PDZD2: variants seen among roughly 807,000 people sequenced by gnomAD.
The protein encoded by PDZD2 is PDZ domain containing 2.
PDZD2 carries 90 observed loss-of-function variants against 220.7 expected under a neutral mutation model. That is an observed-to-expected ratio of 0.41 (90% confidence interval 0.34 to 0.49). PDZD2 has a LOEUF of 0.49. PDZD2 is among the 20% of genes least tolerant of loss of function. PDZD2 has a pLI of 0.28. For synonymous variants in PDZD2, 1,375 were observed against 1,450.5 expected (o/e 0.95, Z 1.18); for missense variants, 3,174 against 3,608.5 (o/e 0.88, Z 3.08).
intron 2 of PDZD2, among the ~76,000 whole-genome samples, chr5:31,822,365 T>G (rs10080056): frequency 0.57 from 84,593 of 149,206 alleles, 24,373 homozygotes; most frequent in Non-Finnish European, 0.61. Context: ...CAACGTCTTG[T>G]GCTCAAGTGA....
intron 1 of PDZD2, chr5:31,657,093 C>T (rs946539452): frequency 1.3e-5 from 2 of 152,156 alleles, no homozygotes; most frequent in Non-Finnish European, 2.9e-5. Flanking sequence ...TGTCATAAAC[C>T]GATCTCCATC....
chr5:31,803,727 A>AAGC (rs1178774655), intron 2 of PDZD2, among the ~76,000 whole-genome samples: 7 of 152,066 alleles, frequency 4.6e-5, no homozygotes, highest in Non-Finnish European at 8.8e-5. Context: ...CAAGACTCCA[A>AAGC]ATCTCAGAGC....
At chr5:31,932,122 A>G (rs567074107) in intron 2 of PDZD2, among the ~76,000 whole-genome samples, 1 of 152,312 alleles carries the variant, frequency 6.6e-6, no homozygotes, top group East Asian at 1.9e-4. Context: ...GGGGATGGGA[A>G]AAGGGGAGAA....
At chr5:31,924,177 G>A (rs62363763) in intron 2 of PDZD2, among the ~76,000 whole-genome samples, 10,196 of 152,214 alleles carry the variant, frequency 0.067, 358 homozygotes, top group Non-Finnish European at 0.075. Context: ...CCTTTGGTCT[G>A]CTGGTCCAGT....
chr5:31,787,927 G>A (rs765419812), intron 1 of PDZD2, among the ~76,000 whole-genome samples: 19 of 152,124 alleles, frequency 1.2e-4, no homozygotes, highest in Non-Finnish European at 1.9e-4. Flanking sequence ...GTGGACCGCA[G>A]CCTCCACAGG....
chr5:31,842,038 G>C (rs961658611), intron 2 of PDZD2, among the ~76,000 whole-genome samples: 3 of 152,028 alleles, frequency 2.0e-5, no homozygotes, highest in Non-Finnish European at 4.4e-5. Flanking sequence ...GCATGTGAAG[G>C]CTTATTACAA....
rs769180303 is a variant in PDZD2, at chr5:31,799,472, A to G, written c.224A>G (p.Lys75Arg). ...EMEICTVYLTKELGDTETVGL... is the reference protein window; with the variant it reads ...EMEICTVYLTRELGDTETVGL... ...GAGATCTGTACTGTGTACCTCACCA[A>G]GGAGCTGGGGGACACAGAGACTGTG... The change falls in exon 2 of 25, where the codon AAG (lysine) becomes AGG (arginine). Residue 75 changes from lysine (K) to arginine (R), a missense_variant. Lys to Arg is a conservative substitution (Grantham distance 26). Around this residue, in one of 4 missense-constraint regions of PDZD2, gnomAD observed 632 missense variants for 708.1 expected, o/e 0.89. Coordinates refer to ENST00000438447, the MANE Select transcript of PDZD2 (RefSeq NM_178140.4). The G allele has an allele frequency of 6.2e-7, 1 of 1,614,144 alleles. No homozygotes were observed. The highest frequency in any genetic ancestry group is 8.5e-7 in the Non-Finnish European group (1 of 1,179,968).
At position 31,836,417 on chromosome 5, in the gene PDZD2, G is replaced by A. The variant is rs143327227; in HGVS notation, c.476+36693G>A. ...TGGCTAATTTTTGTATTGTAAAGAC[G>A]GGGTTTTGCTGTGTTGGTCAGGCTG... On this transcript the variant is annotated intron_variant, in intron 2 of 24. Transcript: ENST00000438447. Among the ~76,000 whole-genome samples the A allele has an allele frequency of 1.4e-3, 206 of 151,920 alleles. 1 individual carries two copies. The highest frequency in any genetic ancestry group is 4.7e-3 in the African/African-American group (194 of 41,444).
intron 2 of PDZD2, among the ~76,000 whole-genome samples, chr5:31,911,082 A>G (rs11748319): frequency 0.42 from 64,214 of 152,052 alleles, 14,765 homozygotes; most frequent in Non-Finnish European, 0.52. Context: ...ACAGACTCAA[A>G]TATGTAACAA....
At chr5:31,851,909 T>G (rs1211926246) in intron 2 of PDZD2, among the ~76,000 whole-genome samples, 1 of 152,102 alleles carries the variant, frequency 6.6e-6, no homozygotes, top group Non-Finnish European at 1.5e-5. Flanking sequence ...CAGGCTGAAG[T>G]GCAGTGGTGG....
intron 24 of PDZD2, among the ~76,000 whole-genome samples, chr5:32,103,041 G>T (rs906425589): frequency 1.3e-5 from 2 of 151,978 alleles, no homozygotes; most frequent in Non-Finnish European, 2.9e-5. Flanking sequence ...CAGAACAGAA[G>T]AAACCATTAA....
At chr5:31,675,618 T>C (rs1467758736) in intron 1 of PDZD2, among the ~76,000 whole-genome samples, 1 of 152,238 alleles carries the variant, frequency 6.6e-6, no homozygotes, top group Non-Finnish European at 1.5e-5. Flanking sequence ...ACTAAGGCCT[T>C]GCACTCCAGA....
chr5:31,689,353 A>ATATATATTTTTTTTTT, intron 1 of PDZD2, among the ~76,000 whole-genome samples: 8 of 35,122 alleles, frequency 2.3e-4, no homozygotes, highest in East Asian at 3.7e-3. Flanking sequence ...ATATATATAT[A>ATATATATTTTTTTTTT]TTTTTTTTTT....
intron 1 of PDZD2, among the ~76,000 whole-genome samples, chr5:31,687,330 A>G (rs548312034): frequency 6.6e-6 from 1 of 152,200 alleles, no homozygotes; most frequent in Non-Finnish European, 1.5e-5. Context: ...AAATAAACCC[A>G]TAGTACCTAA....
Position 31,799,591 on chromosome 5 carries a change from G to A in PDZD2, c.343G>A (p.Asp115Asn). The A allele has an allele frequency of 6.2e-7, 1 of 1,614,190 alleles. No individual in the cohort carries two copies. The change falls in exon 2 of 25, where the codon GAT becomes AAT. Residue 115 changes from aspartate (D) to asparagine (N), a missense_variant. By Grantham distance (23) the Asp-to-Asn change is conservative. Around this residue, in one of 4 missense-constraint regions of PDZD2, gnomAD observed 632 missense variants for 708.1 expected, o/e 0.89. Coordinates refer to ENST00000438447, the MANE Select transcript of PDZD2 (RefSeq NM_178140.4). ...KRKTHQGPVL[D>N]VGCIWVTELR... ...GAAAACCCACCAGGGTCCTGTGCTG[G>A]ATGTGGGCTGCATCTGGGTGACAGA...
chr5:32,088,131 C>T lies in PDZD2; in HGVS notation c.4683C>T (p.Asp1561=), dbSNP rs1446741992. The T allele has an allele frequency of 1.2e-6, 2 of 1,614,206 alleles. No homozygotes were observed. The highest frequency in any genetic ancestry group is 1.1e-5 in the South Asian group (1 of 91,088). ...MYGDAEDSSS[D]PESLTEAPRA... ...GCGATGCTGAGGATTCTTCTTCTGA[C>T]CCTGAGTCACTCACTGAAGCCCCAC... Residue 1561 remains aspartate (D), a synonymous_variant, in exon 20 of 25, where the codon GAC becomes GAT. Coordinates refer to ENST00000438447, the MANE Select transcript of PDZD2 (RefSeq NM_178140.4). The surrounding 1 kb of genome is among the most constrained non-coding windows in gnomAD (Gnocchi z 4.6).
intron 2 of PDZD2, among the ~76,000 whole-genome samples, chr5:31,952,557 T>C (rs4867095): frequency 0.089 from 13,555 of 152,264 alleles, 812 homozygotes; most frequent in South Asian, 0.21. Flanking sequence ...GTAGCTCAGA[T>C]TATGTATCTA....
intron 1 of PDZD2, among the ~76,000 whole-genome samples, chr5:31,797,990 T>C (rs1431886437): frequency 1.3e-5 from 2 of 152,114 alleles, no homozygotes; most frequent in Non-Finnish European, 2.9e-5. Context: ...AATTTTTCTT[T>C]GGTGGAGAAG....
chr5:31,800,287 G>A (rs781010575), intron 2 of PDZD2, among the ~76,000 whole-genome samples: 3 of 152,318 alleles, frequency 2.0e-5, no homozygotes, highest in South Asian at 4.1e-4. Context: ...AGTAGAGTCC[G>A]TGGAGACCAG....
Sources: gnomAD v4.1 joint callset for allele counts (sites outside exome capture counted in the v4.1 genomes callset) on GRCh38, gnomAD v4.1.1 for gene constraint, gnomAD v4.1.1 regional missense constraint, Gnocchi (gnomAD v3.1) non-coding constraint, MANE v1.5 for transcripts, NCBI Gene and HGNC (gene_info 2026-07-23, HGNC 2026-07-21) for gene names.